Variants in CACNA1E observed in about 807,000 individuals in gnomAD.
The protein encoded by CACNA1E is voltage-dependent R-type calcium channel subunit alpha-1E.
CACNA1E carries 40 observed loss-of-function variants against 259.2 expected under a neutral mutation model. That is an observed-to-expected ratio of 0.15 (90% CI 0.12 to 0.20). The LOEUF (loss-of-function observed/expected upper bound fraction) is 0.20, where lower values mean the gene tolerates loss of function less well. Among genes scored for constraint, CACNA1E ranks in the 10% least tolerant of loss-of-function variants. CACNA1E has a pLI of 1.00. For missense variants in CACNA1E, 1,874 were observed against 3,040.1 expected (o/e 0.62, Z 9.02); for synonymous variants, 1,104 against 1,138.5 (o/e 0.97, Z 0.61).
intron 6 of CACNA1E, among the ~76,000 whole-genome samples, chr1:181,590,740 AG>A (rs1652560466): frequency 6.6e-6 from 1 of 152,036 alleles, no homozygotes; most frequent in Non-Finnish European, 1.5e-5. Context: ...TGTTCTCCTG[AG>A]GGTGCCTTGC....
chr1:181,367,431 G>A (rs1654361850), intron 1 of CACNA1E, among the ~76,000 whole-genome samples: 1 of 151,486 alleles, frequency 6.6e-6, no homozygotes, highest in Non-Finnish European at 1.5e-5. Flanking sequence ...AAAACATTTA[G>A]GGATCTCTAG....
At chr1:181,610,213 C>G (rs1654628365) in intron 6 of CACNA1E, among the ~76,000 whole-genome samples, 1 of 152,224 alleles carries the variant, frequency 6.6e-6, no homozygotes, top group Admixed American at 6.5e-5. Flanking sequence ...ACTGGGCATA[C>G]TTCCTGAAGG....
chr1:181,500,343 C>G (rs1223752809), intron 1 of CACNA1E, among the ~76,000 whole-genome samples: 1 of 152,230 alleles, frequency 6.6e-6, no homozygotes, highest in Non-Finnish European at 1.5e-5. Flanking sequence ...CTTGTCCCAG[C>G]TCTTGAGTGT....
chr1:181,488,848 A>G (rs1409266200), intron 1 of CACNA1E, among the ~76,000 whole-genome samples: 1 of 152,120 alleles, frequency 6.6e-6, no homozygotes, highest in African/African-American at 2.4e-5. Context: ...TATTAGCTCC[A>G]TCCAAAATTA....
exon 1 of CACNA1E, chr1:181,317,763 C>T (rs539084294): frequency 7.9e-5 from 12 of 152,226 alleles, no homozygotes; most frequent in African/African-American, 2.9e-4. Context: ...AGCTCTCTTC[C>T]CTCCTCCTTT....
chr1:181,712,329 C>A (rs770878293), intron 8 of CACNA1E, among the ~76,000 whole-genome samples: 5 of 152,324 alleles, frequency 3.3e-5, no homozygotes, highest in Admixed American at 6.5e-5. Context: ...ATAAAAACTA[C>A]ACGTATGACA....
chr1:181,424,094 A>G (rs558891606), intron 2 of CACNA1E, among the ~76,000 whole-genome samples: 1 of 152,298 alleles, frequency 6.6e-6, no homozygotes, highest in Non-Finnish European at 1.5e-5. Context: ...TGCAGAAACC[A>G]AAACATATGC....
chr1:181,491,244 A>C lies in CACNA1E; in HGVS notation c.266+7234A>C, dbSNP rs1664291425. 4.6e-5 allele frequency among the ~76,000 whole-genome samples: 7 copies of C among 152,110 alleles called. No individual in the cohort carries two copies. The South Asian group carries it at 1.5e-3, about 32-fold the overall frequency. ...CCATCAACATCAAGGCTAATTCCTC[A>C]TTTAGTTCCTTTGTGTTGATGTCAG... is the stretch of plus-strand genomic sequence containing the variant. On this transcript the variant is annotated intron_variant, in intron 1 of 47. Coordinates refer to ENST00000367573, the MANE Select transcript of CACNA1E (RefSeq NM_001205293.3).
At chr1:181,768,523 C>T (rs996425527) in intron 35 of CACNA1E, among the ~76,000 whole-genome samples, 2 of 152,174 alleles carry the variant, frequency 1.3e-5, no homozygotes, top group African/African-American at 4.8e-5. Context: ...TGCTCCCTAG[C>T]CCATGTTCAT....
intron 1 of CACNA1E, among the ~76,000 whole-genome samples, chr1:181,333,802 TG>T (rs1651474187): frequency 6.6e-6 from 1 of 152,110 alleles, no homozygotes; most frequent in Non-Finnish European, 1.5e-5. Flanking sequence ...ATTACAGGCA[TG>T]TACCACCACG....
At chr1:181,333,129 C>T (rs1410467403) in intron 1 of CACNA1E, among the ~76,000 whole-genome samples, 2 of 152,140 alleles carry the variant, frequency 1.3e-5, no homozygotes, top group South Asian at 2.1e-4. Context: ...CAGCTGTGGG[C>T]CCAGACGCCA....
At chr1:181,458,257 G>A (rs534952282) in intron 2 of CACNA1E, among the ~76,000 whole-genome samples, 2 of 152,316 alleles carry the variant, frequency 1.3e-5, no homozygotes, top group East Asian at 3.9e-4. Context: ...AGATATGGGT[G>A]ACTTCAGGCT....
At chr1:181,767,476 C>A (rs552175544) in intron 35 of CACNA1E, among the ~76,000 whole-genome samples, 1 of 152,348 alleles carries the variant, frequency 6.6e-6, no homozygotes, top group South Asian at 2.1e-4. Context: ...GTGACAGCCT[C>A]CTGCAGTCAG....
At chr1:181,512,837 C>T (rs1259124572) in intron 3 of CACNA1E, among the ~76,000 whole-genome samples, 1 of 152,084 alleles carries the variant, frequency 6.6e-6, no homozygotes, top group Non-Finnish European at 1.5e-5. Context: ...GAAAATTCTA[C>T]TACATTTTAA....
Position 181,785,748 on chromosome 1 carries a change from A to C in CACNA1E, c.5715A>C (p.Ser1905=), listed in dbSNP as rs1051371095. 6.2e-7 allele frequency: 1 copy of C among 1,613,308 alleles called. No homozygotes were observed. The highest frequency in any genetic ancestry group is 1.7e-5 in the Admixed American group (1 of 59,810). The change falls in exon 43 of 48, where the codon TCA becomes TCC. Residue 1905 remains serine (S), a synonymous_variant. Transcript: ENST00000367573. ...NAPMFQRMEP[S]SLPQEIIANA... ...CCATGTTCCAGCGCATGGAGCCTTC[A>C]TCTCTGCCTCAGGAGATCATTGCTA...
intron 3 of CACNA1E, among the ~76,000 whole-genome samples, chr1:181,575,277 G>A (rs1346670751): frequency 6.6e-6 from 1 of 152,164 alleles, no homozygotes; most frequent in East Asian, 1.9e-4. Context: ...GAGAATTTGG[G>A]GAGCAGGTAG....
At chr1:181,321,351 T>C (rs1650327469) in intron 1 of CACNA1E, among the ~76,000 whole-genome samples, 1 of 152,180 alleles carries the variant, frequency 6.6e-6, no homozygotes, top group African/African-American at 2.4e-5. Flanking sequence ...TCCAGTGAGC[T>C]CATGAATCCT....
intron 1 of CACNA1E, among the ~76,000 whole-genome samples, chr1:181,384,214 T>A (rs1280415680): frequency 1.3e-5 from 2 of 152,136 alleles, no homozygotes; most frequent in Non-Finnish European, 2.9e-5. Context: ...ATCAGTATGG[T>A]GTTAAGACAC....
At chr1:181,755,211 A>G (rs1657986134) in intron 27 of CACNA1E, 26 bp from the exon 28 acceptor site, 1 of 1,606,088 alleles carries the variant, frequency 6.2e-7, no homozygotes, top group East Asian at 2.2e-5. Flanking sequence ...GGGTTCACAC[A>G]GCAGGGCTGT....
Sources: gnomAD v4.1 joint callset for allele counts (sites outside exome capture counted in the v4.1 genomes callset) on GRCh38, gnomAD v4.1.1 for gene constraint, MANE v1.5 for transcripts, NCBI Gene and HGNC (gene_info 2026-07-23, HGNC 2026-07-21) for gene names.